NKD1: variants seen among roughly 807,000 people sequenced by gnomAD.
The protein encoded by NKD1 is protein naked cuticle homolog 1.
NKD1 carries 21 observed loss-of-function variants against 56.0 expected under a neutral mutation model. The ratio of observed to expected loss-of-function variants is 0.38; its 90% CI spans 0.27 to 0.54. NKD1 has a LOEUF of 0.54. NKD1 is among the 20% of genes least tolerant of loss of function. The probability of loss-of-function intolerance (pLI) is 0.82; values close to 1 mark genes in which losing one functional copy is unlikely to be tolerated. For synonymous variants in NKD1, 263 were observed against 265.7 expected (o/e 0.99, Z 0.10); for missense variants, 578 against 642.7 (o/e 0.90, Z 1.09).
chr16:50,606,755 C>T, intron 3 of NKD1: 1 of 454,458 alleles, frequency 2.2e-6, no homozygotes, highest in South Asian at 1.5e-5. Flanking sequence ...CAGAAGACCT[C>T]AGCATGAAGA....
Position 50,645,018 on chromosome 16 carries a change from C to T in NKD1, c.*11237C>T, listed in dbSNP as rs1031124868. On this transcript the variant is annotated 3_prime_UTR_variant, in exon 10 of 10. Transcript: ENST00000268459. ...CGTGGGCAGAGCAAAGAGAGACCCACACTTGGCACTTCCTGCCCAGAAAGG... is the reference window on the plus strand; with the variant it reads ...CGTGGGCAGAGCAAAGAGAGACCCATACTTGGCACTTCCTGCCCAGAAAGG... 3.3e-5 allele frequency: 5 copies of T among 152,296 alleles called. No individual in the cohort carries two copies. The highest frequency in any genetic ancestry group is 1.2e-4 in the African/African-American group (5 of 41,476). 9.4% of individuals were successfully genotyped at this position (152,296 alleles called of 1,614,324 possible). A position where few individuals can be genotyped will look rare whatever the true frequency, so the allele number is the denominator to read the frequency against.
At chr16:50,580,018 G>A (rs117358246) in intron 3 of NKD1, among the ~76,000 whole-genome samples, 343 of 151,490 alleles carry the variant, frequency 2.3e-3, no homozygotes, top group Non-Finnish European at 3.9e-3. Context: ...CACTCTCTCA[G>A]TCCCACAGGC....
intron 8 of NKD1, 123 bp downstream of exon 8, chr16:50,631,033 G>A (rs1324461579): frequency 3.2e-6 from 2 of 619,544 alleles, no homozygotes; most frequent in Non-Finnish European, 5.5e-6. Flanking sequence ...CACTTTTGAT[G>A]CACAGACTCA....
rs1962486954 is a variant in NKD1 at position 50,637,257 on chromosome 16, G to GT, written c.*3477dup. ...GTGTGATTTCAATTTTGATGAGATT[G>GT]TACATGACCTCTAAAAGAGGTTATA... On this transcript the variant is annotated 3_prime_UTR_variant, in exon 10 of 10. Coordinates refer to ENST00000268459, the MANE Select transcript of NKD1 (RefSeq NM_033119.5). The GT allele has an allele frequency of 6.6e-6, 1 of 152,218 alleles. No homozygotes were observed. Among genetic ancestry groups the GT allele is most frequent in the Non-Finnish European group, 1.5e-5 (1 of 68,054 alleles). The allele number at this position is 152,218 out of a possible 1,614,324, so 9.4% of individuals were successfully genotyped here.
chr16:50,574,557 G>T (rs568424105), intron 3 of NKD1: 7 of 985,256 alleles, frequency 7.1e-6, no homozygotes, highest in South Asian at 9.4e-5. Flanking sequence ...GCGTGGTCTC[G>T]CCTTGGATTG....
At chr16:50,601,187 A>G (rs1210427460) in intron 3 of NKD1, among the ~76,000 whole-genome samples, 1 of 152,204 alleles carries the variant, frequency 6.6e-6, no homozygotes, top group African/African-American at 2.4e-5. Flanking sequence ...CCCGCGATAC[A>G]GCAGGGCAGC....
intron 3 of NKD1, among the ~76,000 whole-genome samples, chr16:50,567,845 A>G (rs1960795229): frequency 6.6e-6 from 1 of 152,256 alleles, no homozygotes. Flanking sequence ...CACAGTGTTA[A>G]GGAGGGCCTG....
chr16:50,589,647 G>A (rs1035201117), intron 3 of NKD1, among the ~76,000 whole-genome samples: 2 of 152,080 alleles, frequency 1.3e-5, no homozygotes, highest in Admixed American at 6.5e-5. Context: ...TAAAGGCAGC[G>A]GGCAAATGGA....
chr16:50,613,624 A>T (rs1260869234), intron 4 of NKD1: 3 of 152,112 alleles, frequency 2.0e-5, no homozygotes, highest in Non-Finnish European at 2.9e-5. Context: ...CTCCTCATAA[A>T]AGCTCAGCTG....
chr16:50,642,236 G>C lies in NKD1; in HGVS notation c.*8455G>C, dbSNP rs958528020. The C allele has an allele frequency of 2.0e-5, 3 of 152,264 alleles. No individual in the cohort carries two copies. Among genetic ancestry groups the C allele is most frequent in the African/African-American group, 7.2e-5 (3 of 41,456 alleles). The allele number at this position is 152,264 out of a possible 1,614,324, so 9.4% of individuals were successfully genotyped here. A position where few individuals can be genotyped will look rare whatever the true frequency, so the allele number is the denominator to read the frequency against. ...AGTCTCAGTAGGAGTCTCAGGCCAG[G>C]CTCTGTCTGTGGATTCCCACTTCTC... On this transcript the variant is annotated 3_prime_UTR_variant, in exon 10 of 10. Coordinates refer to ENST00000268459, the MANE Select transcript of NKD1 (RefSeq NM_033119.5).
intron 6 of NKD1, among the ~76,000 whole-genome samples, chr16:50,625,843 G>GA (rs899069534): frequency 1.1e-5 from 1 of 93,756 alleles, no homozygotes; most frequent in Non-Finnish European, 2.7e-5. Context: ...AAAGAAGTTG[G>GA]GGGGGGCAGG....
Position 50,633,637 on chromosome 16 carries a change from T to G in NKD1, c.1269T>G (p.Gly423=), listed in dbSNP as rs535515146. 1.2e-5 allele frequency: 19 copies of G among 1,608,272 alleles called. No individual in the cohort carries two copies. In the South Asian group the frequency reaches 2.1e-4, roughly 18 times the overall value. The change falls in exon 10 of 10, where the codon GGT becomes GGG. Residue 423 remains glycine (G), a synonymous_variant. Transcript: ENST00000268459. This position sits in a 1 kb window ranked among gnomAD's most constrained non-coding sequence, Gnocchi z 4.9. ...CRGLQAPLAS[G]GPVLGREHLR... ...GCCTGCAGGCACCACTGGCCTCAGG[T>G]GGCCCTGTCCTGGGGCGGGAGCACC...
In NKD1 at chr16:50,621,630, G is replaced by C. The variant is rs1461867991; in HGVS notation, c.288G>C (p.Gly96=). ...CCCTGCCTCCTGAGAAGACTGACGG[G>C]CTGGGCAGCGGAGATGAGAAGAAGA... ...EVALPPEKTD[G]LGSGDEKKME... is the part of the protein sequence containing the mutation. Residue 96 remains glycine (G), a synonymous_variant, in exon 5 of 10, where the codon GGG becomes GGC. Coordinates refer to ENST00000268459, the MANE Select transcript of NKD1 (RefSeq NM_033119.5). 1.9e-6 allele frequency: 3 copies of C among 1,613,786 alleles called. No individual in the cohort carries two copies. Among genetic ancestry groups the C allele is most frequent in the Non-Finnish European group, 2.5e-6 (3 of 1,179,874 alleles).
At chr16:50,565,110 T>G (rs1236875513) in intron 3 of NKD1, among the ~76,000 whole-genome samples, 2 of 152,332 alleles carry the variant, frequency 1.3e-5, no homozygotes, top group African/African-American at 2.4e-5. Context: ...GTGTGGTGGC[T>G]CATGCCTGTA....
At chr16:50,597,980 G>A (rs1460029710) in intron 3 of NKD1, among the ~76,000 whole-genome samples, 2 of 152,176 alleles carry the variant, frequency 1.3e-5, no homozygotes, top group East Asian at 3.9e-4. Flanking sequence ...AGACTTCACT[G>A]GCAGTAGAGG....
At chr16:50,572,715 C>A (rs1960910760) in intron 3 of NKD1, among the ~76,000 whole-genome samples, 1 of 152,192 alleles carries the variant, frequency 6.6e-6, no homozygotes, top group Non-Finnish European at 1.5e-5. Context: ...CTGACCACCC[C>A]TATGGTTCGT....
At chr16:50,625,463 C>T in intron 5 of NKD1, 22 bp from the exon 6 acceptor site, 1 of 1,562,732 alleles carries the variant, frequency 6.4e-7, no homozygotes, top group South Asian at 1.1e-5. Flanking sequence ...GGGACCAGCC[C>T]CGCCCATCTC....
At chr16:50,606,202 C>T (rs1405706568) in intron 3 of NKD1, 2 of 153,094 alleles carry the variant, frequency 1.3e-5, no homozygotes, top group Non-Finnish European at 2.9e-5. Context: ...GGATTACAGT[C>T]ACCTGCCACT....
chr16:50,610,142 G>A (rs1961810766), intron 4 of NKD1, among the ~76,000 whole-genome samples: 1 of 152,182 alleles, frequency 6.6e-6, no homozygotes, highest in Non-Finnish European at 1.5e-5. Flanking sequence ...ACCAGCCTGG[G>A]CAACATAGTG....
Sources: gnomAD v4.1 joint callset for allele counts (sites outside exome capture counted in the v4.1 genomes callset) on GRCh38, gnomAD v4.1.1 for gene constraint, Gnocchi (gnomAD v3.1) non-coding constraint, MANE v1.5 for transcripts, NCBI Gene and HGNC (gene_info 2026-07-23, HGNC 2026-07-21) for gene names.